The following RYR3 variants were observed in gnomAD, a reference collection of about 807,000 sequenced individuals.
RYR3 encodes the protein ryanodine receptor 3.
In RYR3, 207 loss-of-function variants were observed where a neutral mutation model predicts 584.3. The observed-to-expected ratio is 0.35, with a 90% CI of 0.32 to 0.40. The LOEUF is 0.40. Among genes scored for constraint, RYR3 ranks in the 10% least tolerant of loss-of-function variants. RYR3 has a pLI of 1.00. For missense variants in RYR3, 5,616 were observed against 6,089.2 expected, an observed-to-expected ratio of 0.92 and a Z score of 2.59; for synonymous variants, 2,416 against 2,248.5, an observed-to-expected ratio of 1.07 and a Z score of -2.11.
At chr15:33,605,279 G>A (rs1441103431) in intron 18 of RYR3, among the ~76,000 whole-genome samples, 1 of 152,120 alleles carries the variant, frequency 6.6e-6, no homozygotes, top group Non-Finnish European at 1.5e-5. Flanking sequence ...ATCCATAGAG[G>A]GCTACTCTGT....
intron 99 of RYR3, 43 bp downstream of exon 99, chr15:33,857,957 G>C: frequency 6.4e-7 from 1 of 1,573,454 alleles, no homozygotes; most frequent in Non-Finnish European, 8.6e-7. Context: ...CCACTGCGGG[G>C]CCACCCCGCC....
At chr15:33,721,271 G>A (rs757093271) in intron 43 of RYR3, among the ~76,000 whole-genome samples, 1 of 152,204 alleles carries the variant, frequency 6.6e-6, no homozygotes, top group Admixed American at 6.5e-5. Flanking sequence ...GCCAACAGCT[G>A]TGTGAGTGAA....
At chr15:33,384,479 TTTTA>T (rs1372712026) in intron 1 of RYR3, among the ~76,000 whole-genome samples, 19 of 66,694 alleles carry the variant, frequency 2.8e-4, no homozygotes, top group East Asian at 9.8e-4. Flanking sequence ...TAATATTATA[TTTTA>T]TATTATAATA....
chr15:33,725,377 A>G (rs2068307613), intron 45 of RYR3, among the ~76,000 whole-genome samples: 1 of 151,914 alleles, frequency 6.6e-6, no homozygotes, highest in Non-Finnish European at 1.5e-5. Context: ...ATCTCAGCAT[A>G]CCATCCAGCC....
rs755667894 is a variant in RYR3, at chr15:33,853,082, A to G, written c.13666A>G (p.Arg4556Gly). 1 of 1,598,706 alleles carries G rather than the reference A, an allele frequency of 6.3e-7. No homozygotes were observed. The highest frequency in any genetic ancestry group is 1.1e-5 in the South Asian group (1 of 87,618). The stretch of plus-strand genomic sequence containing the variant: ...TAACTACTGGGACAAGTTTGTAAAG[A>G]GAAAGGTATGCCTTGTTAGTGGGGG... ...PNNYWDKFVK[R>G]KVINKYGDLY... The change falls in exon 95 of 104, where the codon AGA (arginine) becomes GGA (glycine). Residue 4556 changes from arginine (R) to glycine (G), a missense_variant. Transcript: ENST00000634891.
At chr15:33,457,277 G>T (rs1187085579) in intron 1 of RYR3, among the ~76,000 whole-genome samples, 1 of 151,802 alleles carries the variant, frequency 6.6e-6, no homozygotes, top group Admixed American at 6.6e-5. Context: ...CTTGAAATCG[G>T]TATGTCAAAG....
At chr15:33,457,497 AC>A (rs2047658207) in intron 1 of RYR3, among the ~76,000 whole-genome samples, 1 of 152,216 alleles carries the variant, frequency 6.6e-6, no homozygotes, top group Non-Finnish European at 1.5e-5. Flanking sequence ...GCACAGAAAG[AC>A]CAGTATCACA....
intron 5 of RYR3, among the ~76,000 whole-genome samples, chr15:33,534,536 T>A: frequency 6.6e-6 from 1 of 152,104 alleles, no homozygotes; most frequent in Non-Finnish European, 1.5e-5. Context: ...TTTAGTATAG[T>A]CAAAAATATT....
intron 93 of RYR3, among the ~76,000 whole-genome samples, chr15:33,847,974 C>G (rs1046365541): frequency 6.6e-6 from 1 of 152,192 alleles, no homozygotes; most frequent in Admixed American, 6.5e-5. Flanking sequence ...CTTAGGAGTC[C>G]TAACTCATTC....
At chr15:33,804,089 C>T (rs2152934282) in intron 69 of RYR3, among the ~76,000 whole-genome samples, 1 of 152,312 alleles carries the variant, frequency 6.6e-6, no homozygotes, top group East Asian at 1.9e-4. Context: ...TCATTCACAT[C>T]ACTGAATGAG....
intron 20 of RYR3, 84 bp downstream of exon 20, chr15:33,624,107 T>G: frequency 1.1e-6 from 1 of 909,588 alleles, no homozygotes; most frequent in Non-Finnish European, 1.7e-6. Flanking sequence ...TTTTTGAACC[T>G]TTCTTAATAT....
rs757858085 is a variant in RYR3 at position 33,584,468 on chromosome 15, G to T, written c.1647G>T (p.Leu549Phe). The part of the protein sequence containing the change: ...SNNLDWLISK[L>F]DRLESSSGIL... ...ACCTTGATTGGCTCATCAGTAAATT[G>T]GACAGACTAGAATCTTCCTCAGGTG... Residue 549 changes from leucine (L) to phenylalanine (F), a missense_variant, in exon 15 of 104, where the codon TTG (leucine) becomes TTT (phenylalanine). By Grantham distance (22) the Leu-to-Phe change is conservative (BLOSUM62 0). This residue lies in a region of RYR3 where 1,284 missense variants were observed against 1,344.6 expected (regional missense o/e 0.95). Coordinates refer to ENST00000634891, the MANE Select transcript of RYR3 (RefSeq NM_001036.6). The T allele has an allele frequency of 1.3e-5, 20 of 1,577,922 alleles. No individual in the cohort carries two copies. The highest frequency in any genetic ancestry group is 1.7e-5 in the Non-Finnish European group (19 of 1,148,746).
chr15:33,715,173 G>C (rs1049729206), intron 43 of RYR3, among the ~76,000 whole-genome samples: 1 of 152,170 alleles, frequency 6.6e-6, no homozygotes, highest in African/African-American at 2.4e-5. Flanking sequence ...GCTTTGAAGG[G>C]CATACAAGGT....
At chr15:33,413,639 G>C (rs2043569152) in intron 1 of RYR3, among the ~76,000 whole-genome samples, 1 of 152,224 alleles carries the variant, frequency 6.6e-6, no homozygotes, top group African/African-American at 2.4e-5. Context: ...TGGGTCAAAT[G>C]TGTTTAAAGG....
At chr15:33,784,281 G>T (rs796489104) in intron 65 of RYR3, among the ~76,000 whole-genome samples, 5 of 152,296 alleles carry the variant, frequency 3.3e-5, no homozygotes, top group African/African-American at 1.2e-4. Flanking sequence ...GTTCCTTAAG[G>T]CCAAGGAATT....
chr15:33,391,642 AT>A (rs1006525144), intron 1 of RYR3, among the ~76,000 whole-genome samples: 3 of 143,224 alleles, frequency 2.1e-5, no homozygotes, highest in Admixed American at 7.0e-5. Context: ...AAAAAAAAAA[AT>A]TAAAATTTGA....
chr15:33,363,524 C>A (rs144859368), intron 1 of RYR3, among the ~76,000 whole-genome samples: 111 of 152,256 alleles, frequency 7.3e-4, no homozygotes, highest in African/African-American at 2.6e-3. Flanking sequence ...TCTTTCAAAT[C>A]CACATATGTG....
chr15:33,742,459 C>T lies in RYR3; in HGVS notation c.7899+15C>T, dbSNP rs2070243658. On this transcript the variant is annotated intron_variant, in intron 52 of 103. Coordinates refer to ENST00000634891, the MANE Select transcript of RYR3 (RefSeq NM_001036.6). The stretch of plus-strand genomic sequence containing the variant: ...CCTGTGACAAGGTAGGGATTATCAT[C>T]CAACTGACAATCGTCAGGAAGGAAA... 3 of 1,539,920 alleles carry T rather than the reference C, an allele frequency of 1.9e-6. No individual in the cohort carries two copies. The highest frequency in any genetic ancestry group is 2.7e-6 in the Non-Finnish European group (3 of 1,112,564).
intron 40 of RYR3, among the ~76,000 whole-genome samples, chr15:33,698,687 T>C (rs2066043619): frequency 6.6e-6 from 1 of 151,520 alleles, no homozygotes; most frequent in Non-Finnish European, 1.5e-5. Flanking sequence ...AGGGGGTGGG[T>C]GTGTAGAAGG....
Sources: gnomAD v4.1 joint callset for allele counts (sites outside exome capture counted in the v4.1 genomes callset) on GRCh38, gnomAD v4.1.1 for gene constraint, gnomAD v4.1.1 regional missense constraint, MANE v1.5 for transcripts, NCBI Gene and HGNC (gene_info 2026-07-23, HGNC 2026-07-21) for gene names.